The following KIF1A variants were observed in gnomAD, a reference collection of about 807,000 sequenced individuals.
The protein encoded by KIF1A is kinesin family member 1A.
A neutral mutation model predicts 227.3 loss-of-function variants in KIF1A; 46 were observed. The observed-to-expected ratio is 0.20, with a 90% CI of 0.16 to 0.26. KIF1A has a LOEUF of 0.26. Among genes scored for constraint, KIF1A ranks in the 10% least tolerant of loss-of-function variants. The probability of loss-of-function intolerance (pLI) is 1.00; values close to 1 mark genes in which losing one functional copy is unlikely to be tolerated. For missense variants in KIF1A, 1,683 were observed against 2,485.9 expected (o/e 0.68, Z 6.87); for synonymous variants, 1,022 against 1,012.8 (o/e 1.01, Z -0.17).
chr2:240,721,708 C>G (rs1559475800), intron 44 of KIF1A, 99 bp downstream of exon 44: 3 of 976,454 alleles, frequency 3.1e-6, no homozygotes, highest in Non-Finnish European at 4.7e-6. Flanking sequence ...AAACTCTTAA[C>G]TGCCTTTTCC....
chr2:240,749,653 A>G (rs1463168563), intron 28 of KIF1A, among the ~76,000 whole-genome samples: 1 of 152,206 alleles, frequency 6.6e-6, no homozygotes, highest in African/African-American at 2.4e-5. Context: ...GCGCTCTCAC[A>G]TCTGTGTTCT....
At position 240,766,839 on chromosome 2, in the gene KIF1A, G is replaced by T; in HGVS notation, c.1684+76C>A. ...CCACTTAGTGCTGGGTAAGCTGGGA[G>T]AGGGTGACCTCATTCAGGCCTGATC... On this transcript the variant is annotated intron_variant, in intron 19 of 48. Coordinates refer to ENST00000498729, the MANE Select transcript of KIF1A (RefSeq NM_001244008.2). The surrounding 1 kb of genome is among the most constrained non-coding windows in gnomAD (Gnocchi z 5.0). 2 of 990,678 alleles carry T rather than the reference G, an allele frequency of 2.0e-6. No homozygotes were observed. The highest frequency in any genetic ancestry group is 1.5e-6 in the Non-Finnish European group (1 of 648,866). 61.4% of individuals were successfully genotyped at this position (990,678 alleles called of 1,614,324 possible).
At chr2:240,818,003 G>C (rs897611522) in intron 1 of KIF1A, among the ~76,000 whole-genome samples, 1 of 152,218 alleles carries the variant, frequency 6.6e-6, no homozygotes, top group African/African-American at 2.4e-5. Context: ...TGGCCGGCTG[G>C]AGCCCCAGAT....
rs57387644 is a variant in KIF1A at position 240,752,366 on chromosome 2, G to A, written c.2859-1819C>T. 2.1e-3 allele frequency among the ~76,000 whole-genome samples: 318 copies of A among 152,238 alleles called. 2 individuals carry two copies. Among genetic ancestry groups the A allele is most frequent in the African/African-American group, 7.4e-3 (306 of 41,544 alleles). ...GAGAGGACACTGAGGCCCACAGGGC[G>A]GGGCCCCTCCCCACAGTCCTGCTGG... On this transcript the variant is annotated intron_variant, in intron 27 of 48. Transcript: ENST00000498729. The surrounding 1 kb of genome is among the most constrained non-coding windows in gnomAD (Gnocchi z 6.4).
rs537893174 is a variant in KIF1A, at chr2:240,722,482, C to G, written c.4639G>C (p.Glu1547Gln). 7.8e-6 allele frequency: 12 copies of G among 1,547,282 alleles called. No individual in the cohort carries two copies. In the Admixed American group the frequency reaches 2.2e-4, roughly 28 times the overall value. Residue 1547 changes from glutamate to glutamine, a missense_variant, in exon 43 of 49, where the codon GAG becomes CAG. By Grantham distance (29) the Glu-to-Gln change is conservative. Coordinates refer to ENST00000498729, the MANE Select transcript of KIF1A (RefSeq NM_001244008.2). Reference protein sequence around the residue: ...GRPSPLEAPNERQRELAVKCL... With the variant: ...GRPSPLEAPNQRQRELAVKCL... The stretch of plus-strand genomic sequence containing the variant: ...TTGACGGCCAGCTCCCGCTGCCTCT[C>G]GTTGGGAGCCTCCAGGGGTGATGGG...
At chr2:240,800,420 G>C (rs966830599) in intron 1 of KIF1A, among the ~76,000 whole-genome samples, 2 of 152,174 alleles carry the variant, frequency 1.3e-5, no homozygotes, top group African/African-American at 4.8e-5. Flanking sequence ...GTGTGTGAAG[G>C]AATCAGTGTG....
chr2:240,760,319 G>A (rs557064798), intron 25 of KIF1A, among the ~76,000 whole-genome samples: 3 of 152,314 alleles, frequency 2.0e-5, no homozygotes, highest in Admixed American at 1.3e-4. Flanking sequence ...CGCTCTTGGC[G>A]CTCCGCCAGC....
At position 240,771,029 on chromosome 2, in the gene KIF1A, C is replaced by T. The variant is rs1487080896; in HGVS notation, c.1283G>A (p.Ser428Asn). The T allele has an allele frequency of 6.2e-7, 1 of 1,613,274 alleles. No homozygotes were observed. The highest frequency in any genetic ancestry group is 8.5e-7 in the Non-Finnish European group (1 of 1,179,842). The change falls in exon 15 of 49, where the codon AGC (serine) becomes AAC (asparagine). Residue 428 changes from serine (S) to asparagine (N), a missense_variant. By Grantham distance (46) the Ser-to-Asn change is conservative (BLOSUM62 1). This residue lies in a region of KIF1A where 110 missense variants were observed against 133.1 expected (regional missense o/e 0.83). Transcript: ENST00000498729. ...ALSSRAASVS[S>N]LHERILFAPG... is the part of the protein sequence containing the mutation. The stretch of plus-strand genomic sequence containing the variant: ...GGCAAACAAGATGCGCTCGTGGAGG[C>T]TGGACACGGAGGCCGCGCGGCTGGA...
intron 28 of KIF1A, among the ~76,000 whole-genome samples, chr2:240,747,768 C>A (rs1375263284): frequency 1.3e-5 from 2 of 152,170 alleles, no homozygotes; most frequent in African/African-American, 4.8e-5. Context: ...CAAGGGCCAC[C>A]AACCGCCCCT....
Position 240,726,575 on chromosome 2 carries a change from C to T in KIF1A, c.4122+251G>A, listed in dbSNP as rs1377412483. Among the ~76,000 whole-genome samples, 1 of 152,056 alleles carries T rather than the reference C, an allele frequency of 6.6e-6. No individual in the cohort carries two copies. Among genetic ancestry groups the T allele is most frequent in the Non-Finnish European group, 1.5e-5 (1 of 68,012 alleles). On this transcript the variant is annotated intron_variant, in intron 39 of 48. Coordinates refer to ENST00000498729, the MANE Select transcript of KIF1A (RefSeq NM_001244008.2). The surrounding 1 kb of genome is among the most constrained non-coding windows in gnomAD (Gnocchi z 5.2). ...GCAGTGAGACTGCGCCATTGCACTC[C>T]AGCCTGGGCGACAAGAGTGAGACTC...
chr2:240,790,245 A>G lies in KIF1A; in HGVS notation c.107-933T>C. Among the ~76,000 whole-genome samples the G allele has an allele frequency of 6.6e-6, 1 of 152,182 alleles. No homozygotes were observed. Among genetic ancestry groups the G allele is most frequent in the Non-Finnish European group, 1.5e-5 (1 of 68,040 alleles). On this transcript the variant is annotated intron_variant, in intron 2 of 48. Coordinates refer to ENST00000498729, the MANE Select transcript of KIF1A (RefSeq NM_001244008.2). This position sits in a 1 kb window ranked among gnomAD's most constrained non-coding sequence, Gnocchi z 5.0. ...TGACAGAGGCCTGGAGGCCTGAGGCAGTCCCCTCCCAGGTTCTCACACCCA... is the reference window on the plus strand; with the variant it reads ...TGACAGAGGCCTGGAGGCCTGAGGCGGTCCCCTCCCAGGTTCTCACACCCA...
At chr2:240,782,404 C>A (rs559254302) in intron 10 of KIF1A, among the ~76,000 whole-genome samples, 186 bp downstream of exon 10, 1 of 152,324 alleles carries the variant, frequency 6.6e-6, no homozygotes, top group Non-Finnish European at 1.5e-5. Flanking sequence ...CCCTCCGTCC[C>A]CGCAGGCACA....
Position 240,724,056 on chromosome 2 carries a change from T to C in KIF1A, c.4257-20A>G. 6.2e-7 allele frequency: 1 copy of C among 1,609,062 alleles called. No homozygotes were observed. The highest frequency in any genetic ancestry group is 8.5e-7 in the Non-Finnish European group (1 of 1,176,836). On this transcript the variant is annotated intron_variant, in intron 40 of 48. Coordinates refer to ENST00000498729, the MANE Select transcript of KIF1A (RefSeq NM_001244008.2). ...CGGTTACTGTGGGGAGTAGAAGGAG[T>C]GACATGCAGTCACCAGGCCCCGCAA...
chr2:240,797,865 G>T, intron 1 of KIF1A, 53 bp from the exon 2 acceptor site: 1 of 660,886 alleles, frequency 1.5e-6, no homozygotes, highest in Non-Finnish European at 2.6e-6. Context: ...AGGCAGGACA[G>T]GCACTCCGGC....
intron 27 of KIF1A, among the ~76,000 whole-genome samples, chr2:240,756,336 C>T (rs558084284): frequency 1.3e-5 from 2 of 152,330 alleles, no homozygotes; most frequent in South Asian, 2.1e-4. Context: ...TCAGCTGTTT[C>T]GTGAGCTGAC....
chr2:240,813,992 G>C (rs930141039), intron 1 of KIF1A, among the ~76,000 whole-genome samples: 3 of 152,126 alleles, frequency 2.0e-5, no homozygotes, highest in African/African-American at 7.2e-5. Context: ...AGATTTTAGA[G>C]ATGAAAAATG....
chr2:240,744,246 C>A (rs949886778), intron 32 of KIF1A, among the ~76,000 whole-genome samples, 186 bp from the exon 33 acceptor site: 1 of 152,174 alleles, frequency 6.6e-6, no homozygotes, highest in Non-Finnish European at 1.5e-5. Flanking sequence ...CACCACGTGC[C>A]CCAGACAGAC....
At chr2:240,723,266 A>G (rs985217045) in intron 42 of KIF1A, 147 bp downstream of exon 42, 17 of 708,332 alleles carry the variant, frequency 2.4e-5, no homozygotes, top group Middle Eastern at 3.6e-4. Flanking sequence ...GGAGCATCAC[A>G]TGCTCCTCCT....
intron 1 of KIF1A, among the ~76,000 whole-genome samples, chr2:240,809,501 C>T (rs1290153104): frequency 1.3e-5 from 2 of 152,016 alleles, no homozygotes; most frequent in African/African-American, 4.8e-5. Flanking sequence ...GACGGACGAC[C>T]GAACCAGCGA....
Sources: allele counts gnomAD v4.1 joint callset (sites outside exome capture counted in the v4.1 genomes callset), GRCh38; gene constraint gnomAD v4.1.1; regional missense constraint gnomAD v4.1.1; non-coding constraint Gnocchi (gnomAD v3.1); transcripts MANE v1.5; gene names NCBI Gene and HGNC (gene_info 2026-07-23, HGNC 2026-07-21).